BRINP1: variants seen among roughly 807,000 people sequenced by gnomAD.
BRINP1 encodes the protein BMP/retinoic acid inducible neural specific 1.
BRINP1 carries 17 observed loss-of-function variants against 72.9 expected under a neutral mutation model. The ratio of observed to expected loss-of-function variants is 0.23; its 90% CI spans 0.16 to 0.35. BRINP1 has a LOEUF of 0.35. BRINP1 is among the 10% of genes least tolerant of loss of function. The pLI is 1.00. For missense variants in BRINP1, 850 were observed against 1,001.6 expected (o/e 0.85, Z 2.04); for synonymous variants, 418 against 378.5 (o/e 1.10, Z -1.21).
At chr9:119,286,730 A>G (rs1054381678) in intron 2 of BRINP1, among the ~76,000 whole-genome samples, 1 of 152,198 alleles carries the variant, frequency 6.6e-6, no homozygotes, top group Non-Finnish European at 1.5e-5. Flanking sequence ...GGTATTTTGA[A>G]AGTTCAGAGA....
Position 119,167,107 on chromosome 9 carries a change from G to T in BRINP1, c.2263C>A (p.Gln755Lys). The change falls in exon 8 of 8, where the codon CAG (glutamine) becomes AAG (lysine). Residue 755 changes from glutamine to lysine, a missense_variant. Physicochemically the swap from Gln to Lys is moderately conservative, Grantham distance 53. Coordinates refer to ENST00000265922, the MANE Select transcript of BRINP1 (RefSeq NM_014618.3). This position sits in a 1 kb window ranked among gnomAD's most constrained non-coding sequence, Gnocchi z 4.3. ...YNTEILKQSD[Q>K]MTAKLC is the part of the protein sequence containing the mutation. Reference sequence around the variant, plus strand: ...GGTTAGCAGAGTTTGGCTGTCATCTGGTCCGACTGTTTGAGGATCTCCGTG... The same window carrying T: ...GGTTAGCAGAGTTTGGCTGTCATCTTGTCCGACTGTTTGAGGATCTCCGTG... The T allele has an allele frequency of 6.2e-7, 1 of 1,608,154 alleles. No homozygotes were observed. The highest frequency in any genetic ancestry group is 8.5e-7 in the Non-Finnish European group (1 of 1,176,018).
chr9:119,225,441 G>A lies in BRINP1; in HGVS notation c.686-11286C>T, dbSNP rs139320910. On this transcript the variant is annotated intron_variant, in intron 5 of 7. Coordinates refer to ENST00000265922, the MANE Select transcript of BRINP1 (RefSeq NM_014618.3). ...AAAATAGCATAGTATTTGCATATAC[G>A]CTCCACATATCCTTTTTTATACTTT... 4.7e-3 allele frequency among the ~76,000 whole-genome samples: 707 copies of A among 151,840 alleles called. 2 individuals carry two copies. Among genetic ancestry groups the A allele is most frequent in the African/African-American group, 0.016 (665 of 41,428 alleles).
chr9:119,169,034 G>A (rs1829364268), intron 7 of BRINP1, among the ~76,000 whole-genome samples: 1 of 152,178 alleles, frequency 6.6e-6, no homozygotes, highest in Admixed American at 6.5e-5. Context: ...TGTACACGAT[G>A]TTTATTGCAG....
intron 7 of BRINP1, among the ~76,000 whole-genome samples, chr9:119,202,670 G>A (rs12337046): frequency 0.093 from 14,149 of 152,104 alleles, 1,195 homozygotes; most frequent in African/African-American, 0.23. Context: ...TCTGACACTA[G>A]GGTCAGCTCT....
intron 7 of BRINP1, among the ~76,000 whole-genome samples, chr9:119,169,952 A>C (rs1383414249): frequency 2.0e-5 from 3 of 152,184 alleles, no homozygotes; most frequent in Non-Finnish European, 4.4e-5. Context: ...AACAAACAGA[A>C]AGGACATCCA....
chr9:119,366,117 GGAGGTT>G (rs1187493790), intron 1 of BRINP1, among the ~76,000 whole-genome samples: 2 of 151,954 alleles, frequency 1.3e-5, no homozygotes, highest in Non-Finnish European at 2.9e-5. Flanking sequence ...AATTTGGTGT[GGAGGTT>G]CTCTTTTTTG....
intron 2 of BRINP1, among the ~76,000 whole-genome samples, chr9:119,291,119 T>C (rs1830817957): frequency 9.2e-6 from 1 of 108,688 alleles, no homozygotes; most frequent in East Asian, 2.4e-4. Flanking sequence ...ATGAACTCCA[T>C]CTCAAAAAAA....
At chr9:119,347,260 T>C (rs56985701) in intron 1 of BRINP1, among the ~76,000 whole-genome samples, 3,662 of 152,246 alleles carry the variant, frequency 0.024, 186 homozygotes, top group African/African-American at 0.084. Context: ...GAAATGCCAA[T>C]GTGGGCAATG....
chr9:119,342,667 G>A (rs945485311), intron 1 of BRINP1, among the ~76,000 whole-genome samples: 1 of 152,200 alleles, frequency 6.6e-6, no homozygotes, highest in South Asian at 2.1e-4. Context: ...TATAAGACCT[G>A]TAAGACTACC....
chr9:119,334,421 C>A (rs1315460055), intron 1 of BRINP1, among the ~76,000 whole-genome samples: 1 of 152,158 alleles, frequency 6.6e-6, no homozygotes, highest in African/African-American at 2.4e-5. Flanking sequence ...CCTAAGATTA[C>A]CCAAGCAAGC....
chr9:119,286,947 T>C (rs551478666), intron 2 of BRINP1, among the ~76,000 whole-genome samples: 1 of 152,310 alleles, frequency 6.6e-6, no homozygotes, highest in East Asian at 1.9e-4. Context: ...CTTGGAACAC[T>C]TGAATTGCAC....
intron 5 of BRINP1, among the ~76,000 whole-genome samples, chr9:119,230,680 A>C (rs1169004977): frequency 6.6e-6 from 1 of 152,044 alleles, no homozygotes; most frequent in East Asian, 1.9e-4. Flanking sequence ...TAGAAAAAGA[A>C]AAGGTCAAAG....
intron 5 of BRINP1, among the ~76,000 whole-genome samples, chr9:119,220,783 A>T (rs1266034115): frequency 6.6e-6 from 1 of 152,214 alleles, no homozygotes; most frequent in African/African-American, 2.4e-5. Context: ...GAAATAATGA[A>T]TATGGAAGAC....
chr9:119,198,862 G>T (rs1033217930), intron 7 of BRINP1, among the ~76,000 whole-genome samples: 4 of 151,882 alleles, frequency 2.6e-5, no homozygotes, highest in African/African-American at 9.7e-5. Context: ...TAGTAGAGAT[G>T]GGGTTTCTCC....
At chr9:119,355,217 T>C (rs1016101112) in intron 1 of BRINP1, among the ~76,000 whole-genome samples, 4 of 152,236 alleles carry the variant, frequency 2.6e-5, no homozygotes, top group Admixed American at 1.3e-4. Flanking sequence ...AATACTAGGA[T>C]ACATCATATA....
intron 2 of BRINP1, among the ~76,000 whole-genome samples, chr9:119,285,377 C>G (rs1304060184): frequency 2.0e-5 from 3 of 152,164 alleles, no homozygotes; most frequent in Non-Finnish European, 4.4e-5. Flanking sequence ...TGTGTCAGCA[C>G]TGAGTAATTT....
At chr9:119,220,310 G>A (rs1411889768) in intron 5 of BRINP1, among the ~76,000 whole-genome samples, 1 of 152,124 alleles carries the variant, frequency 6.6e-6, no homozygotes, top group Non-Finnish European at 1.5e-5. Context: ...CAACATTGAT[G>A]ATATTGCTAG....
At chr9:119,362,654 A>G (rs1013107879) in intron 1 of BRINP1, among the ~76,000 whole-genome samples, 4 of 152,162 alleles carry the variant, frequency 2.6e-5, no homozygotes, top group African/African-American at 9.7e-5. Flanking sequence ...CACTTCATTT[A>G]AATTACTTTA....
chr9:119,294,026 T>C (rs1830849671), intron 2 of BRINP1, among the ~76,000 whole-genome samples: 1 of 152,102 alleles, frequency 6.6e-6, no homozygotes, highest in South Asian at 2.1e-4. Context: ...AAAGACTCAG[T>C]AACAACAAAA....
Sources: allele counts gnomAD v4.1 joint callset (sites outside exome capture counted in the v4.1 genomes callset), GRCh38; gene constraint gnomAD v4.1.1; non-coding constraint Gnocchi (gnomAD v3.1); transcripts MANE v1.5; gene names NCBI Gene and HGNC (gene_info 2026-07-23, HGNC 2026-07-21).